ODR4: variants seen among roughly 807,000 people sequenced by gnomAD.
The protein encoded by ODR4 is odr-4 GPCR localization factor homolog.
Under a neutral mutation model 60.2 loss-of-function variants are expected in ODR4, and 47 were observed. That is an observed-to-expected ratio of 0.78 (90% confidence interval 0.62 to 1.00). ODR4 has a LOEUF of 1.00. Ranked by LOEUF, ODR4 falls within the 50% of genes least tolerant of loss-of-function variation. ODR4 has a pLI of 0.00. For missense variants in ODR4, 488 were observed against 530.8 expected (o/e 0.92, Z 0.79); for synonymous variants, 178 against 175.5 (o/e 1.01, Z -0.11).
rs1159177220 is a variant in ODR4 at position 186,420,638 on chromosome 1, T to C, written c.*1562T>C. 1.3e-5 allele frequency: 2 copies of C among 152,190 alleles called. No homozygotes were observed. The highest frequency in any genetic ancestry group is 3.9e-4 in the East Asian group (2 of 5,194). The allele number at this position is 152,190 out of a possible 1,614,324, so 9.4% of individuals were successfully genotyped here. A position where few individuals can be genotyped will look rare whatever the true frequency, so the allele number is the denominator to read the frequency against. Reference sequence around the variant, plus strand: ...AATAAGAAAAAAGCCCTCAGACATGTTGAATATTTTATTAGACTCAGCTGA... The same window carrying C: ...AATAAGAAAAAAGCCCTCAGACATGCTGAATATTTTATTAGACTCAGCTGA... On this transcript the variant is annotated 3_prime_UTR_variant, in exon 14 of 14. Coordinates refer to ENST00000287859, the MANE Select transcript of ODR4 (RefSeq NM_017847.6).
chr1:186,404,291 A>G (rs1389773646), intron 11 of ODR4, among the ~76,000 whole-genome samples: 2 of 152,294 alleles, frequency 1.3e-5, no homozygotes, highest in South Asian at 2.1e-4. Flanking sequence ...ACCAACAGAA[A>G]ACGAGTCTTA....
the ODR4 span, among the ~76,000 whole-genome samples, chr1:186,429,164 C>T: frequency 2.6e-5 from 4 of 151,940 alleles, no homozygotes; most frequent in South Asian, 8.3e-4. Context: ...GGTGGGAAGA[C>T]CACCTAAGCC....
intron 5 of ODR4, 87 bp from the exon 6 acceptor site, chr1:186,389,501 C>T (rs1249604776): frequency 3.9e-6 from 4 of 1,031,266 alleles, no homozygotes; most frequent in Non-Finnish European, 5.8e-6. Context: ...TGGATGCGTG[C>T]ATTTTTTAGT....
chr1:186,431,206 AT>A, the ODR4 span, among the ~76,000 whole-genome samples: 1 of 152,172 alleles, frequency 6.6e-6, no homozygotes, highest in African/African-American at 2.4e-5. Context: ...GATGCTTCAG[AT>A]TTCTATAAAA....
chr1:186,378,399 C>T (rs540479923), intron 1 of ODR4, among the ~76,000 whole-genome samples: 1 of 152,316 alleles, frequency 6.6e-6, no homozygotes, highest in South Asian at 2.1e-4. Context: ...ATCTCTTTTA[C>T]ATTTTCATCC....
chr1:186,410,524 T>G (rs879746560), intron 12 of ODR4, among the ~76,000 whole-genome samples: 5 of 152,166 alleles, frequency 3.3e-5, no homozygotes, highest in Non-Finnish European at 5.9e-5. Context: ...AGAGGAAAGA[T>G]AGAATGTATA....
intron 4 of ODR4, among the ~76,000 whole-genome samples, chr1:186,387,814 C>A (rs773023908): frequency 2.6e-5 from 4 of 152,146 alleles, no homozygotes; most frequent in Non-Finnish European, 5.9e-5. Context: ...TATTACCACC[C>A]CTTACATCAA....
intron 5 of ODR4, 124 bp downstream of exon 5, chr1:186,388,672 G>A (rs1403157145): frequency 1.3e-5 from 7 of 556,148 alleles, no homozygotes; most frequent in Middle Eastern, 5.0e-4. Flanking sequence ...AGATTTTTCT[G>A]TAAATAACAT....
intron 12 of ODR4, among the ~76,000 whole-genome samples, chr1:186,409,630 C>G (rs1661297462): frequency 6.6e-6 from 1 of 152,226 alleles, no homozygotes; most frequent in Non-Finnish European, 1.5e-5. Flanking sequence ...ACTGCAACCT[C>G]TGCCTCCCGG....
chr1:186,403,184 AAG>A (rs1661051148), intron 11 of ODR4, among the ~76,000 whole-genome samples: 1 of 152,210 alleles, frequency 6.6e-6, no homozygotes, highest in Non-Finnish European at 1.5e-5. Flanking sequence ...CTTAGGTATC[AAG>A]ATAAAAGAAT....
At chr1:186,423,730 C>G (rs892652382), downstream of ODR4, among the ~76,000 whole-genome samples, 2 of 152,008 alleles carry the variant, frequency 1.3e-5, no homozygotes, top group African/African-American at 4.8e-5. Flanking sequence ...GCTGGGATTA[C>G]AGGTGTGAGC....
At chr1:186,425,138 C>T (rs544934903), downstream of ODR4, among the ~76,000 whole-genome samples, 1 of 152,166 alleles carries the variant, frequency 6.6e-6, no homozygotes, top group African/African-American at 2.4e-5. Flanking sequence ...CTTAAAGTCT[C>T]ATCTCAATAT....
At chr1:186,432,292 A>T in the ODR4 span, among the ~76,000 whole-genome samples, 1 of 152,092 alleles carries the variant, frequency 6.6e-6, no homozygotes, top group Non-Finnish European at 1.5e-5. Flanking sequence ...CTAATATTTT[A>T]TTTAAATTTT....
chr1:186,386,296 T>C (rs942662801), intron 4 of ODR4, among the ~76,000 whole-genome samples: 1 of 152,182 alleles, frequency 6.6e-6, no homozygotes, highest in African/African-American at 2.4e-5. Flanking sequence ...TTTTATTTAT[T>C]ATTTTTTCCA....
chr1:186,401,090 A>G, intron 11 of ODR4: 2 of 1,597,094 alleles, frequency 1.3e-6, no homozygotes, highest in Non-Finnish European at 1.7e-6. Flanking sequence ...ACCTTAGCAG[A>G]CACATTAGTA....
downstream of ODR4, among the ~76,000 whole-genome samples, chr1:186,422,619 T>C (rs539189680): frequency 2.0e-5 from 3 of 152,328 alleles, no homozygotes; most frequent in South Asian, 6.2e-4. Context: ...AAGGTTAATT[T>C]TTTTTAAATA....
Position 186,390,775 on chromosome 1 carries a change from A to C in ODR4, c.539A>C (p.Glu180Ala). 3.1e-6 allele frequency: 5 copies of C among 1,612,934 alleles called. No homozygotes were observed. Among genetic ancestry groups the C allele is most frequent in the Non-Finnish European group, 4.2e-6 (5 of 1,179,082 alleles). The change falls in exon 7 of 14, where the codon GAG becomes GCG. Residue 180 changes from glutamate (E) to alanine (A), a missense_variant. Transcript: ENST00000287859. ...SGLSSSWLSL[E>A]CTVHINIHIP... ...TTATCATCCTCATGGCTTTCTTTAG[A>C]GTGTACAGTTCACATTAATATTCAC...
intron 11 of ODR4, among the ~76,000 whole-genome samples, chr1:186,403,144 G>C (rs899419811): frequency 6.6e-6 from 1 of 152,004 alleles, no homozygotes; most frequent in Admixed American, 6.6e-5. Context: ...TTAGTAACAG[G>C]ATAATTATTC....
At chr1:186,429,989 A>G in the ODR4 span, among the ~76,000 whole-genome samples, 5 of 152,102 alleles carry the variant, frequency 3.3e-5, no homozygotes, top group Non-Finnish European at 5.9e-5. Flanking sequence ...ATGAAAGTAG[A>G]GTTAGAAGTT....
Sources: gnomAD v4.1 joint callset for allele counts (sites outside exome capture counted in the v4.1 genomes callset) on GRCh38, gnomAD v4.1.1 for gene constraint, MANE v1.5 for transcripts, NCBI Gene and HGNC (gene_info 2026-07-23, HGNC 2026-07-21) for gene names.